PRRX1: variants seen among roughly 807,000 people sequenced by gnomAD.
PRRX1 encodes paired related homeobox 1, also known as paired mesoderm homeobox protein 1.
In PRRX1, 8 loss-of-function variants were observed where a neutral mutation model predicts 24.0. The observed-to-expected ratio is 0.33, with a 90% CI of 0.20 to 0.60. PRRX1 has a LOEUF of 0.60. Ranked by LOEUF, PRRX1 falls within the 20% of genes least tolerant of loss-of-function variation. PRRX1 has a pLI of 0.82. For synonymous variants in PRRX1, 160 were observed against 131.7 expected (o/e 1.22, Z -1.47); for missense variants, 281 against 322.4 (o/e 0.87, Z 0.98).
At chr1:170,696,915 C>G (rs989855312) in intron 1 of PRRX1, among the ~76,000 whole-genome samples, 6 of 152,116 alleles carry the variant, frequency 3.9e-5, no homozygotes, top group Non-Finnish European at 7.4e-5. Context: ...GAGAATCTGC[C>G]TGGCACATTT....
chr1:170,716,571 G>C (rs1330890318), intron 1 of PRRX1, among the ~76,000 whole-genome samples: 1 of 147,300 alleles, frequency 6.8e-6, no homozygotes, highest in Admixed American at 6.8e-5. Context: ...GCGACAGAGC[G>C]AGACTCCATC....
At chr1:170,709,717 A>G (rs1654684880) in intron 1 of PRRX1, among the ~76,000 whole-genome samples, 1 of 152,212 alleles carries the variant, frequency 6.6e-6, no homozygotes, top group South Asian at 2.1e-4. Flanking sequence ...CTTGGCATGT[A>G]GGTGCTCAAT....
At chr1:170,698,696 G>A (rs775306070) in intron 1 of PRRX1, among the ~76,000 whole-genome samples, 2 of 152,144 alleles carry the variant, frequency 1.3e-5, no homozygotes, top group African/African-American at 4.8e-5. Flanking sequence ...GCGTAAAGTT[G>A]TTGCTGATTT....
At chr1:170,663,070 C>T (rs1188119388), upstream of PRRX1, 1 of 151,594 alleles carries the variant, frequency 6.6e-6, no homozygotes, top group Non-Finnish European at 1.5e-5. Flanking sequence ...CCCTTCCTCC[C>T]TCCCTCCCTC....
chr1:170,663,958 G>C, upstream of PRRX1: 1 of 496,420 alleles, frequency 2.0e-6, no homozygotes, highest in African/African-American at 1.9e-5. Context: ...CGCCGGACTT[G>C]GCCTCAGGAA....
At chr1:170,708,321 A>T (rs1265043490) in intron 1 of PRRX1, among the ~76,000 whole-genome samples, 1 of 152,134 alleles carries the variant, frequency 6.6e-6, no homozygotes, top group African/African-American at 2.4e-5. Context: ...ACCCAAATGT[A>T]ACTTTTTTTT....
intron 1 of PRRX1, among the ~76,000 whole-genome samples, chr1:170,708,192 T>G (rs1324781702): frequency 1.3e-5 from 2 of 152,192 alleles, no homozygotes; most frequent in Non-Finnish European, 2.9e-5. Context: ...AGATTACTCA[T>G]AGATTTCCAC....
intron 1 of PRRX1, among the ~76,000 whole-genome samples, chr1:170,709,715 G>A (rs913029318): frequency 6.6e-6 from 1 of 152,194 alleles, no homozygotes; most frequent in Non-Finnish European, 1.5e-5. Flanking sequence ...CGCTTGGCAT[G>A]TAGGTGCTCA....
At position 170,739,135 on chromosome 1, in the gene PRRX1, A is replaced by G. The variant is rs143805931; in HGVS notation, c.*2949A>G. On this transcript the variant is annotated 3_prime_UTR_variant, in exon 4 of 4. Transcript: ENST00000239461. Reference sequence around the variant, plus strand: ...AGACATAACCCTGTTCCTCACCATCATGATACCAGATACAGGTGAATACAT... The same window carrying G: ...AGACATAACCCTGTTCCTCACCATCGTGATACCAGATACAGGTGAATACAT... 646 of 211,816 alleles carry G rather than the reference A, an allele frequency of 3.0e-3. 12 individuals carry two copies. In the East Asian group the frequency reaches 0.037, roughly 12 times the overall value. The allele number at this position is 211,816 out of a possible 1,614,324, so 13.1% of individuals were successfully genotyped here.
intron 1 of PRRX1, among the ~76,000 whole-genome samples, chr1:170,691,341 A>G (rs1235544807): frequency 6.6e-6 from 1 of 152,110 alleles, no homozygotes; most frequent in African/African-American, 2.4e-5. Flanking sequence ...TCAAACTTAC[A>G]TAAATAATGA....
intron 3 of PRRX1, chr1:170,727,324 T>C (rs1175886922): frequency 6.6e-6 from 1 of 152,148 alleles, no homozygotes; most frequent in Non-Finnish European, 1.5e-5. Flanking sequence ...ATTGGATTAG[T>C]CTAGAGTGAC....
At chr1:170,725,263 C>G (rs1655220689) in intron 2 of PRRX1, among the ~76,000 whole-genome samples, 1 of 152,014 alleles carries the variant, frequency 6.6e-6, no homozygotes, top group African/African-American at 2.4e-5. Flanking sequence ...ACCTGCACAT[C>G]CTGCACACGT....
chr1:170,727,091 T>TTGTGTGTGTGCG (rs2101923084), intron 3 of PRRX1: 1 of 152,186 alleles, frequency 6.6e-6, no homozygotes, highest in South Asian at 2.1e-4. Flanking sequence ...TTGTGTGTAT[T>TTGTGTGTGTGCG]TGTGTGTGTG....
At chr1:170,677,053 T>C (rs554407110) in intron 1 of PRRX1, among the ~76,000 whole-genome samples, 26 of 152,196 alleles carry the variant, frequency 1.7e-4, no homozygotes, top group Non-Finnish European at 3.5e-4. Flanking sequence ...AATTAAGTTG[T>C]CAAGTAACAA....
chr1:170,730,186 C>G, intron 3 of PRRX1: 1 of 1,082,774 alleles, frequency 9.2e-7, no homozygotes, highest in Admixed American at 1.7e-5. Flanking sequence ...CCCCATCCTT[C>G]TCCTCCCCTC....
chr1:170,670,749 A>C (rs1216966471), intron 1 of PRRX1, among the ~76,000 whole-genome samples: 2 of 152,184 alleles, frequency 1.3e-5, no homozygotes, highest in Non-Finnish European at 2.9e-5. Context: ...GAGGGGAATT[A>C]AGGCACAAAT....
intron 2 of PRRX1, 21 bp downstream of exon 2, chr1:170,719,922 C>T (rs1013336906): frequency 6.2e-7 from 1 of 1,613,090 alleles, no homozygotes; most frequent in Admixed American, 1.7e-5. Flanking sequence ...CTGTGAGAGG[C>T]TGGCACCAAG....
chr1:170,689,137 G>T (rs1653844098), intron 1 of PRRX1, among the ~76,000 whole-genome samples: 1 of 151,784 alleles, frequency 6.6e-6, no homozygotes, highest in Non-Finnish European at 1.5e-5. Flanking sequence ...TAACTTCTTT[G>T]GGCAGTAATA....
chr1:170,718,615 T>TG lies in PRRX1; in HGVS notation c.242-1107dup, dbSNP rs1184079002. 2.0e-5 allele frequency among the ~76,000 whole-genome samples: 3 copies of TG among 152,270 alleles called. No individual in the cohort carries two copies. In the East Asian group the frequency reaches 5.8e-4, roughly 29 times the overall value. On this transcript the variant is annotated intron_variant, in intron 1 of 3. Transcript: ENST00000239461. Reference sequence around the variant, plus strand: ...TAATTTTCTTTGGGCTGAGCCTCTTTGGGGAAAAGCTATGGGGAATGTAAG... The same window carrying TG: ...TAATTTTCTTTGGGCTGAGCCTCTTTGGGGGAAAAGCTATGGGGAATGTAAG...
Sources: allele counts gnomAD v4.1 joint callset (sites outside exome capture counted in the v4.1 genomes callset), GRCh38; gene constraint gnomAD v4.1.1; transcripts MANE v1.5; gene names NCBI Gene and HGNC (gene_info 2026-07-23, HGNC 2026-07-21).